The following GALNT13 variants were observed in gnomAD, a reference collection of about 807,000 sequenced individuals.
GALNT13 encodes polypeptide N-acetylgalactosaminyltransferase 13.
GALNT13 carries 28 observed loss-of-function variants against 64.2 expected under a neutral mutation model. That is an observed-to-expected ratio of 0.44 (90% CI 0.32 to 0.60). GALNT13 has a LOEUF of 0.60. Among genes scored for constraint, GALNT13 ranks in the 20% least tolerant of loss-of-function variants. GALNT13 has a pLI of 0.05. For missense variants in GALNT13, 577 were observed against 669.8 expected (o/e 0.86, Z 1.53); for synonymous variants, 214 against 224.6 (o/e 0.95, Z 0.42).
At chr2:153,879,737 T>G (rs1686654231) in intron 1 of GALNT13, among the ~76,000 whole-genome samples, 1 of 152,110 alleles carries the variant, frequency 6.6e-6, no homozygotes, top group Non-Finnish European at 1.5e-5. Context: ...CTATGTCTTT[T>G]CCCTATTTGA....
chr2:153,497,270 T>A, the GALNT13 span, among the ~76,000 whole-genome samples: 1 of 152,008 alleles, frequency 6.6e-6, no homozygotes. Context: ...GAAGCACAAA[T>A]AATAAACCAC....
chr2:154,052,790 G>A (rs1428671372), intron 3 of GALNT13, among the ~76,000 whole-genome samples: 1 of 147,138 alleles, frequency 6.8e-6, no homozygotes, highest in East Asian at 2.0e-4. Flanking sequence ...AGGCTGGAGT[G>A]CAGTGGCACG....
chr2:153,073,112 G>A, the GALNT13 span, among the ~76,000 whole-genome samples: 15 of 152,132 alleles, frequency 9.9e-5, no homozygotes, highest in Admixed American at 5.2e-4. Context: ...AGTAGGTTAC[G>A]CGCTTTGAAA....
chr2:153,812,032 G>C, the GALNT13 span, among the ~76,000 whole-genome samples: 45 of 152,142 alleles, frequency 3.0e-4, no homozygotes, highest in African/African-American at 1.0e-3. Context: ...TCAAGATATA[G>C]AACACTTCCA....
chr2:153,632,729 C>T, the GALNT13 span, among the ~76,000 whole-genome samples: 1 of 151,694 alleles, frequency 6.6e-6, no homozygotes, highest in Non-Finnish European at 1.5e-5. Context: ...GATTTGATAG[C>T]TCATTTATTT....
chr2:154,007,647 C>T (rs1004970233), intron 3 of GALNT13, among the ~76,000 whole-genome samples: 3 of 151,912 alleles, frequency 2.0e-5, no homozygotes, highest in African/African-American at 7.2e-5. Flanking sequence ...ATTATAGTTA[C>T]ATTACATACC....
the GALNT13 span, among the ~76,000 whole-genome samples, chr2:153,460,193 G>A: frequency 6.6e-6 from 1 of 152,060 alleles, no homozygotes; most frequent in Non-Finnish European, 1.5e-5. Context: ...TCAGCACCCT[G>A]TATCACAAAT....
chr2:154,122,608 G>C (rs941349516), intron 3 of GALNT13, among the ~76,000 whole-genome samples: 5 of 151,908 alleles, frequency 3.3e-5, no homozygotes, highest in African/African-American at 4.8e-5. Flanking sequence ...AACAGGTATA[G>C]GATTATTCAG....
intron 9 of GALNT13, among the ~76,000 whole-genome samples, chr2:154,354,884 C>T (rs1214894554): frequency 6.6e-6 from 1 of 152,030 alleles, no homozygotes; most frequent in African/African-American, 2.4e-5. Flanking sequence ...CAGGGTTCTT[C>T]TACTCGAATG....
chr2:153,373,105 A>G, the GALNT13 span, among the ~76,000 whole-genome samples: 4 of 150,992 alleles, frequency 2.6e-5, no homozygotes, highest in South Asian at 8.4e-4. Context: ...ATCTCAGTTT[A>G]TAGCCTTTGC....
At chr2:153,518,069 C>T in the GALNT13 span, among the ~76,000 whole-genome samples, 1 of 152,138 alleles carries the variant, frequency 6.6e-6, no homozygotes, top group African/African-American at 2.4e-5. Context: ...TAGCTCAGGA[C>T]AGTCACACAT....
chr2:153,585,594 A>G, the GALNT13 span, among the ~76,000 whole-genome samples: 2 of 152,188 alleles, frequency 1.3e-5, no homozygotes, highest in African/African-American at 4.8e-5. Context: ...CCAGGCAAAT[A>G]TAATGTAAAA....
the GALNT13 span, among the ~76,000 whole-genome samples, chr2:153,843,270 A>C: frequency 1.3e-5 from 2 of 152,362 alleles, no homozygotes; most frequent in South Asian, 4.1e-4. Flanking sequence ...CAATAATGGC[A>C]GAAGGTGAAG....
At chr2:154,422,161 TGAG>T (rs1700282223) in intron 11 of GALNT13, among the ~76,000 whole-genome samples, 1 of 152,054 alleles carries the variant, frequency 6.6e-6, no homozygotes, top group Non-Finnish European at 1.5e-5. Flanking sequence ...AATTTTGACT[TGAG>T]GGGACAAAAG....
At chr2:153,509,722 A>T in the GALNT13 span, among the ~76,000 whole-genome samples, 1 of 152,172 alleles carries the variant, frequency 6.6e-6, no homozygotes, top group Non-Finnish European at 1.5e-5. Context: ...CACTAATTAC[A>T]ACTACTTTCT....
chr2:154,245,094 A>G (rs1456240906), intron 6 of GALNT13, among the ~76,000 whole-genome samples: 2 of 138,598 alleles, frequency 1.4e-5, no homozygotes, highest in Non-Finnish European at 3.1e-5. Flanking sequence ...TGACAGGGCA[A>G]GGCTCTGTCA....
the GALNT13 span, among the ~76,000 whole-genome samples, chr2:153,646,482 C>CT: frequency 0.21 from 30,911 of 149,526 alleles, 4,175 homozygotes; most frequent in Middle Eastern, 0.44. Context: ...TTTTATTATA[C>CT]TTTAAGTTCT....
At chr2:153,880,138 T>C (rs1686681479) in intron 1 of GALNT13, among the ~76,000 whole-genome samples, 1 of 152,164 alleles carries the variant, frequency 6.6e-6, no homozygotes. Context: ...ATCTTTAAGT[T>C]ACATTAGGAA....
At chr2:154,179,672 G>A (rs916868100) in intron 4 of GALNT13, among the ~76,000 whole-genome samples, 5 of 151,924 alleles carry the variant, frequency 3.3e-5, no homozygotes, top group Admixed American at 2.6e-4. Flanking sequence ...AGGCCACAAA[G>A]ACGTACTAAA....
Sources: gnomAD v4.1 joint callset for allele counts (sites outside exome capture counted in the v4.1 genomes callset) on GRCh38, gnomAD v4.1.1 for gene constraint, MANE v1.5 for transcripts, NCBI Gene and HGNC (gene_info 2026-07-23, HGNC 2026-07-21) for gene names.